IL3: variants seen among roughly 807,000 people sequenced by gnomAD.
IL3 encodes the protein interleukin 3, also known as interleukin-3.
A neutral mutation model predicts 15.4 loss-of-function variants in IL3; 15 were observed. The ratio of observed to expected loss-of-function variants is 0.97; its 90% CI spans 0.65 to 1.50. The LOEUF (loss-of-function observed/expected upper bound fraction) is 1.50, where lower values mean the gene tolerates loss of function less well. Ranked by LOEUF, IL3 falls within the 40% of genes most tolerant of loss-of-function variation. IL3 has a pLI of 0.00. For synonymous variants in IL3, 74 were observed against 79.3 expected, an observed-to-expected ratio of 0.93 and a Z score of 0.36; for missense variants, 162 against 192.2, an observed-to-expected ratio of 0.84 and a Z score of 0.93.
In IL3 at chr5:132,062,858, A is replaced by G. The variant is rs916499432; in HGVS notation, c.*67A>G. ...GCCTCGGGACATCAAAAACAGCAGA[A>G]CTTCTGAAACCTCTGGGTCATCTCT... On this transcript the variant is annotated 3_prime_UTR_variant, in exon 5 of 5. Coordinates refer to ENST00000296870, the MANE Select transcript of IL3 (RefSeq NM_000588.4). 1.3e-5 allele frequency: 20 copies of G among 1,552,172 alleles called. No homozygotes were observed. The highest frequency in any genetic ancestry group is 1.7e-5 in the Non-Finnish European group (20 of 1,149,912).
Position 132,062,532 on chromosome 5 carries a change from C to T in IL3, c.301C>T (p.Leu101=). ...SAIESILKNL[L]PCLPLATAAP... is the part of the protein sequence containing the mutation. ...CTTTGGTCTCTTTCCACAGAATCTC[C>T]TGCCATGTCTGCCCCTGGCCACGGC... The change falls in exon 4 of 5, where the codon CTG becomes TTG. Residue 101 remains leucine, a synonymous_variant. Coordinates refer to ENST00000296870, the MANE Select transcript of IL3 (RefSeq NM_000588.4). The T allele has an allele frequency of 6.2e-7, 1 of 1,614,226 alleles. No homozygotes were observed. Among genetic ancestry groups the T allele is most frequent in the Non-Finnish European group, 8.5e-7 (1 of 1,180,038 alleles).
chr5:132,062,817 G>A lies in IL3; in HGVS notation c.*26G>A, dbSNP rs371323430. The A allele has an allele frequency of 1.9e-5, 31 of 1,605,488 alleles. No individual in the cohort carries two copies. In the African/African-American group the frequency reaches 3.9e-4, roughly 20 times the overall value. On this transcript the variant is annotated 3_prime_UTR_variant, in exon 5 of 5. Transcript: ENST00000296870. ...GTCCAACGTCCAGCTCGTTCTCTGG[G>A]CCTTCTCACCACAGAGCCTCGGGAC...
In IL3 at chr5:132,061,022, C is replaced by T. The variant is rs1473924276; in HGVS notation, c.204+14C>T. The T allele has an allele frequency of 6.2e-7, 1 of 1,613,472 alleles. No homozygotes were observed. Among genetic ancestry groups the T allele is most frequent in the South Asian group, 1.1e-5 (1 of 91,050 alleles). ...GACATTCTGATGGTAAGAGCTCAGC[C>T]CGTGGATCCCGATCCACTTCCTGCC... On this transcript the variant is annotated intron_variant, in intron 2 of 4. Transcript: ENST00000296870.
chr5:132,061,882 T>C (rs986974235), intron 2 of IL3, among the ~76,000 whole-genome samples: 8 of 151,846 alleles, frequency 5.3e-5, no homozygotes, highest in African/African-American at 1.9e-4. Context: ...AATTCTCCTG[T>C]CTCAGCCTCC....
rs184543902 is a variant in IL3 at position 132,062,932 on chromosome 5, T to G, written c.*141T>G. On this transcript the variant is annotated 3_prime_UTR_variant, in exon 5 of 5. Transcript: ENST00000296870. Reference sequence around the variant, plus strand: ...TTTCACCTTTTCCTGCGGCATCAGATGAATTGTTAATTATCTAATTTCTGA... The same window carrying G: ...TTTCACCTTTTCCTGCGGCATCAGAGGAATTGTTAATTATCTAATTTCTGA... 1.5e-4 allele frequency: 178 copies of G among 1,148,718 alleles called. 2 individuals are homozygous for G. The East Asian group carries it at 3.5e-3, about 22-fold the overall frequency. 71.2% of individuals were successfully genotyped at this position (1,148,718 alleles called of 1,614,324 possible). A position where few individuals can be genotyped will look rare whatever the true frequency, so the allele number is the denominator to read the frequency against.
At chr5:132,062,448 C>T (rs770090387) in intron 3 of IL3, 47 bp downstream of exon 3, 2 of 1,612,398 alleles carry the variant, frequency 1.2e-6, no homozygotes, top group Non-Finnish European at 1.7e-6. Context: ...TGGCCCTGCC[C>T]TGCCTCTGGG....
At chr5:132,061,155 G>C in intron 2 of IL3, 147 bp downstream of exon 2, 1 of 707,520 alleles carries the variant, frequency 1.4e-6, no homozygotes, top group Non-Finnish European at 2.4e-6. Context: ...CAATCAAATG[G>C]CACAATGTGC....
intron 2 of IL3, among the ~76,000 whole-genome samples, chr5:132,061,869 A>T (rs1264366229): frequency 6.6e-6 from 1 of 151,642 alleles, no homozygotes; most frequent in Admixed American, 6.6e-5. Flanking sequence ...CCTGAGTTCA[A>T]GCAATTCTCC....
chr5:132,062,582 A>C lies in IL3; in HGVS notation c.336+15A>C, dbSNP rs1480207283. On this transcript the variant is annotated intron_variant, in intron 4 of 4. Transcript: ENST00000296870. ...CCGCACCCACGGTAAGCTGTCCCCC[A>C]AGATGCCCGTCATGGCTTGCTCCTC... The C allele has an allele frequency of 1.9e-6, 3 of 1,613,978 alleles. No individual in the cohort carries two copies. Among genetic ancestry groups the C allele is most frequent in the Non-Finnish European group, 1.7e-6 (2 of 1,179,878 alleles).
At chr5:132,062,615 C>T (rs1395457369) in intron 4 of IL3, 48 bp downstream of exon 4, 3 of 1,612,630 alleles carry the variant, frequency 1.9e-6, no homozygotes, top group African/African-American at 2.7e-5. Context: ...CTCAGCTGGT[C>T]ATCACCATTA....
At chr5:132,060,942 C>T (rs766988239) in intron 1 of IL3, 25 bp from the exon 2 acceptor site, 2 of 1,613,710 alleles carry the variant, frequency 1.2e-6, no homozygotes. Flanking sequence ...GCCTCATGGG[C>T]CTTTCTCTCC....
intron 3 of IL3, 21 bp downstream of exon 3, chr5:132,062,422 T>C: frequency 6.2e-7 from 1 of 1,611,968 alleles, no homozygotes; most frequent in Non-Finnish European, 8.5e-7. Context: ...CTGTTGAGGG[T>C]TTGGGATCCC....
At chr5:132,062,073 T>C (rs1203855099) in intron 2 of IL3, among the ~76,000 whole-genome samples, 1 of 152,190 alleles carries the variant, frequency 6.6e-6, no homozygotes, top group Non-Finnish European at 1.5e-5. Context: ...ACCTAGGCCC[T>C]TTATGTAGCT....
At position 132,062,552 on chromosome 5, in the gene IL3, C is replaced by T. The variant is rs372658151; in HGVS notation, c.321C>T (p.Ala107=). 1.2e-5 allele frequency: 19 copies of T among 1,614,046 alleles called. No individual in the cohort carries two copies. The African/African-American group carries it at 1.9e-4, about 16-fold the overall frequency. ...LKNLLPCLPL[A]TAAPTRHPIH... ...ATCTCCTGCCATGTCTGCCCCTGGCCACGGCCGCACCCACGGTAAGCTGTC... is the reference window on the plus strand; with the variant it reads ...ATCTCCTGCCATGTCTGCCCCTGGCTACGGCCGCACCCACGGTAAGCTGTC... Residue 107 remains alanine (A), a synonymous_variant, in exon 4 of 5, where the codon GCC becomes GCT. Transcript: ENST00000296870.
chr5:132,062,331 C>A lies in IL3; in HGVS notation c.224C>A (p.Pro75Gln). 1 of 1,614,016 alleles carries A rather than the reference C, an allele frequency of 6.2e-7. No homozygotes were observed. ...DILMENNLRR[P>Q]NLEAFNRAVK... Reference sequence around the variant, plus strand: ...CGTTAGGAAAATAACCTTCGAAGGCCAAACCTGGAGGCATTCAACAGGGCT... The same window carrying A: ...CGTTAGGAAAATAACCTTCGAAGGCAAAACCTGGAGGCATTCAACAGGGCT... Residue 75 changes from proline (P) to glutamine (Q), a missense_variant, in exon 3 of 5, where the codon CCA becomes CAA. By Grantham distance (76) the Pro-to-Gln change is moderately conservative. Transcript: ENST00000296870.
Position 132,062,382 on chromosome 5 carries a change from C to T in IL3, c.275C>T (p.Ala92Val), listed in dbSNP as rs1480071091. 6.2e-7 allele frequency: 1 copy of T among 1,613,924 alleles called. No individual in the cohort carries two copies. The highest frequency in any genetic ancestry group is 1.7e-5 in the Admixed American group (1 of 60,006). ...RAVKSLQNAS[A>V]IESILKNLLP... ...GTCAAGAGTTTACAGAACGCATCAG[C>T]AATTGAGAGCATTCTTAAAGTATGT... Residue 92 changes from alanine (A) to valine (V), a missense_variant, in exon 3 of 5, where the codon GCA becomes GTA. By Grantham distance (64) the Ala-to-Val change is moderately conservative. Coordinates refer to ENST00000296870, the MANE Select transcript of IL3 (RefSeq NM_000588.4).
chr5:132,060,750 GC>G lies in IL3; in HGVS notation c.48del (p.Gly17AspfsTer6), dbSNP rs762242459. On this transcript the variant is annotated frameshift_variant, in exon 1 of 5. Transcript: ENST00000296870. LOFTEE classifies it high-confidence loss of function. ...CTGCTCCTGCTCCAACTCCTGGTCC[GC>G]CCCGGACTCCAAGCTCCCATGACCC... ...PVLLLLQLLV[R>X]PGLQAPMTQT... 6.2e-7 allele frequency: 1 copy of G among 1,613,820 alleles called. No individual in the cohort carries two copies. The highest frequency in any genetic ancestry group is 8.5e-7 in the Non-Finnish European group (1 of 1,179,964).
In IL3 at chr5:132,060,813, C is replaced by G; in HGVS notation, c.107C>G (p.Ser36Cys). ...TTGAAGACAAGCTGGGTTAACTGCT[C>G]TAACATGATCGATGAAATTATAACA... ...TPLKTSWVNC[S>C]NMIDEIITHL... The change falls in exon 1 of 5, where the codon TCT (serine) becomes TGT (cysteine). Residue 36 changes from serine to cysteine, a missense_variant. Transcript: ENST00000296870. The G allele has an allele frequency of 6.2e-7, 1 of 1,614,238 alleles. No individual in the cohort carries two copies. The highest frequency in any genetic ancestry group is 8.5e-7 in the Non-Finnish European group (1 of 1,180,042).
At chr5:132,061,131 T>C in intron 2 of IL3, 123 bp downstream of exon 2, 1 of 840,776 alleles carries the variant, frequency 1.2e-6, no homozygotes. Context: ...CCTATCTCAG[T>C]GGGATTGTTA....
Sources: allele counts gnomAD v4.1 joint callset (sites outside exome capture counted in the v4.1 genomes callset), GRCh38; gene constraint gnomAD v4.1.1; transcripts MANE v1.5; gene names NCBI Gene and HGNC (gene_info 2026-07-23, HGNC 2026-07-21).